ZC3HAV1: variants seen among roughly 807,000 people sequenced by gnomAD.
ZC3HAV1 encodes the protein zinc finger CCCH-type containing, antiviral 1.
Under a neutral mutation model 86.6 loss-of-function variants are expected in ZC3HAV1, and 41 were observed. That is an observed-to-expected ratio of 0.47 (90% CI 0.37 to 0.61). The LOEUF (loss-of-function observed/expected upper bound fraction) is 0.61, where lower values mean the gene tolerates loss of function less well. ZC3HAV1 is among the 20% of genes least tolerant of loss of function. The pLI, the probability that ZC3HAV1 is intolerant of heterozygous loss-of-function variation, is 0.00. For missense variants in ZC3HAV1, 964 were observed against 1,141.1 expected, an observed-to-expected ratio of 0.84 and a Z score of 2.24; for synonymous variants, 421 against 432.1, an observed-to-expected ratio of 0.97 and a Z score of 0.32.
At chr7:139,085,092 T>A (rs1817237015) in intron 2 of ZC3HAV1, among the ~76,000 whole-genome samples, 1 of 152,220 alleles carries the variant, frequency 6.6e-6, no homozygotes, top group Admixed American at 6.5e-5. Flanking sequence ...CCATCAGCAC[T>A]ACCTGTAAAT....
At chr7:139,091,231 G>T (rs1220663021) in intron 1 of ZC3HAV1, among the ~76,000 whole-genome samples, 1 of 152,200 alleles carries the variant, frequency 6.6e-6, no homozygotes, top group Non-Finnish European at 1.5e-5. Flanking sequence ...CAGGCGCGGT[G>T]GCTCATGCCT....
chr7:139,109,069 C>A lies in ZC3HAV1; in HGVS notation c.263G>T (p.Cys88Phe). 1 of 1,587,490 alleles carries A rather than the reference C, an allele frequency of 6.3e-7. No individual in the cohort carries two copies. Among genetic ancestry groups the A allele is most frequent in the Non-Finnish European group, 8.6e-7 (1 of 1,164,728 alleles). ...CQRPCDNLHL[C>F]KLNLLGRCNY... ...GCACCGGCCCAGCAAGTTGAGTTTG[C>A]AGAGATGCAGGTTATCGCAGGGTCT... The change falls in exon 1 of 13, where the codon TGC (cysteine) becomes TTC (phenylalanine). Residue 88 changes from cysteine to phenylalanine, a missense_variant. Physicochemically the swap from Cys to Phe is radical, Grantham distance 205. Transcript: ENST00000242351.
At chr7:139,082,197 G>T (rs977699952) in intron 3 of ZC3HAV1, among the ~76,000 whole-genome samples, 1 of 151,994 alleles carries the variant, frequency 6.6e-6, no homozygotes, top group African/African-American at 2.4e-5. Flanking sequence ...CCCAGGAGGC[G>T]GCCGGCCATT....
chr7:139,077,005 C>A (rs369593362), intron 5 of ZC3HAV1, among the ~76,000 whole-genome samples: 195 of 135,958 alleles, frequency 1.4e-3, no homozygotes, highest in African/African-American at 5.2e-3. Flanking sequence ...TCTGCACCCC[C>A]CCAAGTGTAT....
At position 139,109,258 on chromosome 7, in the gene ZC3HAV1, G is replaced by C; in HGVS notation, c.74C>G (p.Ala25Gly). 1.2e-6 allele frequency: 2 copies of C among 1,612,058 alleles called. No homozygotes were observed. The highest frequency in any genetic ancestry group is 1.7e-6 in the Non-Finnish European group (2 of 1,179,484). Reference sequence around the variant, plus strand: ...AGACAGCGCGATCTCCTGGAGCAGCGCGTCCAGGGCCATGCGGCCCCCGTG... The same window carrying C: ...AGACAGCGCGATCTCCTGGAGCAGCCCGTCCAGGGCCATGCGGCCCCCGTG... The part of the protein sequence containing the change: ...CAHGGRMALD[A>G]LLQEIALSEP... The change falls in exon 1 of 13, where the codon GCG (alanine) becomes GGG (glycine). Residue 25 changes from alanine to glycine, a missense_variant. Ala to Gly is a moderately conservative substitution (Grantham distance 60, BLOSUM62 0). Coordinates refer to ENST00000242351, the MANE Select transcript of ZC3HAV1 (RefSeq NM_020119.4).
chr7:139,090,404 T>C (rs182480225), intron 1 of ZC3HAV1, among the ~76,000 whole-genome samples: 3 of 152,320 alleles, frequency 2.0e-5, no homozygotes, highest in Admixed American at 1.3e-4. Context: ...ATTTTCATTA[T>C]AAACATTTTA....
At chr7:139,076,460 C>T in intron 5 of ZC3HAV1, 51 bp from the exon 6 acceptor site, 1 of 1,604,916 alleles carries the variant, frequency 6.2e-7, no homozygotes, top group South Asian at 1.1e-5. Context: ...GGATTCTAAC[C>T]AATTCAGTCA....
At chr7:139,061,546 T>C (rs1816443835) in intron 8 of ZC3HAV1, among the ~76,000 whole-genome samples, 1 of 152,218 alleles carries the variant, frequency 6.6e-6, no homozygotes, top group Non-Finnish European at 1.5e-5. Context: ...TTTCAATTCA[T>C]GCCGTAAACC....
rs2236425 is a variant in ZC3HAV1, at chr7:139,079,399, T to C, written c.1471+71A>G. ...TTTCTACATCAGTAGTTTTATCCAC[T>C]ACTTGACTAGAGCCATTTGGTATAT... On this transcript the variant is annotated intron_variant, in intron 4 of 12. Transcript: ENST00000242351. 0.23 allele frequency: 363,736 copies of C among 1,611,258 alleles called. 46,609 individuals carry two copies. Among genetic ancestry groups the C allele is most frequent in the Admixed American group, 0.47 (28,230 of 59,714 alleles).
chr7:139,053,789 C>A (rs990149908), intron 11 of ZC3HAV1, among the ~76,000 whole-genome samples, 176 bp downstream of exon 11: 2 of 132,052 alleles, frequency 1.5e-5, no homozygotes, highest in African/African-American at 2.9e-5. Context: ...AATTGTAAAG[C>A]AGTAAGGCTG....
Position 139,108,919 on chromosome 7 carries a change from G to A in ZC3HAV1, c.308+105C>T. 7 of 1,385,206 alleles carry A rather than the reference G, an allele frequency of 5.1e-6. No homozygotes were observed. The highest frequency in any genetic ancestry group is 6.7e-6 in the Non-Finnish European group (7 of 1,040,548). 85.8% of individuals were successfully genotyped at this position (1,385,206 alleles called of 1,614,324 possible). On this transcript the variant is annotated intron_variant, in intron 1 of 12. Coordinates refer to ENST00000242351, the MANE Select transcript of ZC3HAV1 (RefSeq NM_020119.4). This position sits in a 1 kb window ranked among gnomAD's most constrained non-coding sequence, Gnocchi z 4.2. ...AGTGGCTGGAGGCGGAGGCTGTCAG[G>A]TGCGGGGTCCCGGCGAAGCCGTGCC...
At chr7:139,091,505 C>T (rs1418569883) in intron 1 of ZC3HAV1, among the ~76,000 whole-genome samples, 1 of 152,160 alleles carries the variant, frequency 6.6e-6, no homozygotes, top group African/African-American at 2.4e-5. Context: ...CCTCCAGCCT[C>T]CACCTCAAAG....
At chr7:139,060,951 G>T in intron 9 of ZC3HAV1, 85 bp downstream of exon 9, 1 of 1,604,434 alleles carries the variant, frequency 6.2e-7, no homozygotes, top group Middle Eastern at 1.7e-4. Context: ...AGGAAAACAG[G>T]CTCCAGATTC....
chr7:139,083,465 A>T (rs947831801), intron 3 of ZC3HAV1, among the ~76,000 whole-genome samples: 1 of 152,152 alleles, frequency 6.6e-6, no homozygotes, highest in Non-Finnish European at 1.5e-5. Context: ...GCAGTGGCTC[A>T]TGCTTGTAAT....
intron 7 of ZC3HAV1, among the ~76,000 whole-genome samples, chr7:139,065,317 C>T (rs1357266862): frequency 6.6e-6 from 1 of 152,214 alleles, no homozygotes; most frequent in Non-Finnish European, 1.5e-5. Context: ...TGCATCCCCT[C>T]TTTTCTGATG....
intron 1 of ZC3HAV1, among the ~76,000 whole-genome samples, chr7:139,101,512 T>G: frequency 3.4e-5 from 1 of 29,180 alleles, no homozygotes; most frequent in African/African-American, 1.3e-4. Flanking sequence ...CTGGGAGGTG[T>G]ACCCAACAGC....
rs369295244 is a variant in ZC3HAV1 at position 139,080,011 on chromosome 7, T to C, written c.930A>G (p.Ser310=). ...CAAGATCAGTAGCCTTGGACGAGCC[T>C]GAGGGAGGCCGAGCGCGATCCTGAC... ...LGSQDRARPP[S]GSSKATDLGG... Residue 310 remains serine (S), a synonymous_variant, in exon 4 of 13, where the codon TCA becomes TCG. Coordinates refer to ENST00000242351, the MANE Select transcript of ZC3HAV1 (RefSeq NM_020119.4). The C allele has an allele frequency of 1.2e-6, 2 of 1,614,056 alleles. No individual in the cohort carries two copies. The highest frequency in any genetic ancestry group is 1.7e-6 in the Non-Finnish European group (2 of 1,180,048).
chr7:139,063,469 C>T (rs1397278244), intron 8 of ZC3HAV1, among the ~76,000 whole-genome samples: 1 of 151,818 alleles, frequency 6.6e-6, no homozygotes, highest in South Asian at 2.1e-4. Context: ...TGCCTGTAAT[C>T]GAAGCATTTT....
At chr7:139,097,177 A>G in intron 1 of ZC3HAV1, among the ~76,000 whole-genome samples, 1 of 150,430 alleles carries the variant, frequency 6.6e-6, no homozygotes, top group Non-Finnish European at 1.5e-5. Context: ...AAAAAAAAGA[A>G]AATTTTAAAA....
Sources: allele counts gnomAD v4.1 joint callset (sites outside exome capture counted in the v4.1 genomes callset), GRCh38; gene constraint gnomAD v4.1.1; non-coding constraint Gnocchi (gnomAD v3.1); transcripts MANE v1.5; gene names NCBI Gene and HGNC (gene_info 2026-07-23, HGNC 2026-07-21).